Variants in ATP5MK observed in about 807,000 individuals in gnomAD.
The protein encoded by ATP5MK is ATP synthase F(0) complex subunit k, mitochondrial.
In ATP5MK, 5 loss-of-function variants were observed where a neutral mutation model predicts 6.6. The observed-to-expected ratio is 0.76, with a 90% confidence interval of 0.40 to 1.60. The LOEUF (loss-of-function observed/expected upper bound fraction) is 1.60. ATP5MK is among the 40% of genes most tolerant of loss of function. The pLI is 0.02. For missense variants in ATP5MK, 57 were observed against 66.6 expected (o/e 0.86, Z 0.50); for synonymous variants, 30 against 24.5 (o/e 1.22, Z -0.66).
At chr10:103,389,267 G>C (rs189198687) in intron 4 of ATP5MK, 101 bp from the exon 5 acceptor site, 1 of 151,732 alleles carries the variant, frequency 6.6e-6, no homozygotes, top group Non-Finnish European at 1.5e-5. Context: ...AACTGAATGC[G>C]AATTTATTAG....
At chr10:103,393,579 CAA>C (rs959240621) in intron 2 of ATP5MK, among the ~76,000 whole-genome samples, 7 of 111,968 alleles carry the variant, frequency 6.3e-5, no homozygotes, top group African/African-American at 6.5e-5. Context: ...GACGCCGTCT[CAA>C]AAAAAAAAAA....
chr10:103,389,449 A>G (rs962710021), intron 4 of ATP5MK, among the ~76,000 whole-genome samples: 22 of 152,052 alleles, frequency 1.4e-4, no homozygotes, highest in African/African-American at 5.3e-4. Context: ...CAGCCTCCCA[A>G]GTAGCTGGGA....
chr10:103,395,578 G>A (rs932891118), intron 2 of ATP5MK, among the ~76,000 whole-genome samples, 168 bp downstream of exon 2: 1 of 152,190 alleles, frequency 6.6e-6, no homozygotes, highest in Non-Finnish European at 1.5e-5. Context: ...GATTACAGGC[G>A]TGAGCCACCG....
At chr10:103,393,512 G>A (rs931792616) in intron 2 of ATP5MK, among the ~76,000 whole-genome samples, 3 of 151,640 alleles carry the variant, frequency 2.0e-5, no homozygotes, top group Non-Finnish European at 2.9e-5. Context: ...CCTGGGAGGC[G>A]GAGCTTGCAG....
At chr10:103,394,833 C>T (rs990857381) in intron 2 of ATP5MK, among the ~76,000 whole-genome samples, 1 of 142,466 alleles carries the variant, frequency 7.0e-6, no homozygotes. Context: ...TTAGGAGAAA[C>T]GCTACAGAAA....
At chr10:103,395,401 G>A (rs1346242988) in intron 2 of ATP5MK, among the ~76,000 whole-genome samples, 1 of 152,178 alleles carries the variant, frequency 6.6e-6, no homozygotes. Context: ...GGGGTCAAGC[G>A]GTTCTCCTGC....
intron 2 of ATP5MK, among the ~76,000 whole-genome samples, chr10:103,394,554 G>A (rs2093424433): frequency 6.6e-6 from 1 of 152,136 alleles, no homozygotes; most frequent in Non-Finnish European, 1.5e-5. Flanking sequence ...AAGGTTCTTG[G>A]AGCAATGAAG....
rs1377665240 is a variant in ATP5MK, at chr10:103,391,446, TG to T, written c.*3+744del. 3.9e-5 allele frequency among the ~76,000 whole-genome samples: 6 copies of T among 152,296 alleles called. No individual in the cohort carries two copies. The East Asian group carries it at 1.2e-3, about 29-fold the overall frequency. On this transcript the variant is annotated intron_variant, in intron 4 of 4. Transcript: ENST00000369815. ...AAATTACAGACGTGATCATAGTCAC[TG>T]GAAACCAAACAAAATACATGTAACA...
Position 103,392,225 on chromosome 10 carries a change from G to C in ATP5MK, c.146C>G (p.Ser49Cys), listed in dbSNP as rs779624142. ...ALIVLYFKLR[S>C]KKTPAVKAT ...TGCTTTCACAGCTGGAGTTTTTTTGGACCTTAACTTGAAATATAAGACAAT... is the reference window on the plus strand; with the variant it reads ...TGCTTTCACAGCTGGAGTTTTTTTGCACCTTAACTTGAAATATAAGACAAT... The change falls in exon 4 of 5, where the codon TCC (serine) becomes TGC (cysteine). Residue 49 changes from serine to cysteine, a missense_variant. Transcript: ENST00000369815. 8.7e-6 allele frequency: 14 copies of C among 1,612,648 alleles called. 1 individual carries two copies. In the South Asian group the frequency reaches 1.4e-4, roughly 16 times the overall value.
At chr10:103,391,337 G>A (rs1009580453) in intron 4 of ATP5MK, among the ~76,000 whole-genome samples, 2 of 152,130 alleles carry the variant, frequency 1.3e-5, no homozygotes, top group Non-Finnish European at 2.9e-5. Flanking sequence ...TAATTCTAAT[G>A]GGAACGAGAG....
At chr10:103,389,479 C>T (rs1285575799) in intron 4 of ATP5MK, among the ~76,000 whole-genome samples, 1 of 152,002 alleles carries the variant, frequency 6.6e-6, no homozygotes, top group Non-Finnish European at 1.5e-5. Context: ...TGTGCCACCA[C>T]ACCCGGCTAA....
At chr10:103,392,882 T>C (rs2093418726) in intron 2 of ATP5MK, among the ~76,000 whole-genome samples, 1 of 152,160 alleles carries the variant, frequency 6.6e-6, no homozygotes, top group Non-Finnish European at 1.5e-5. Flanking sequence ...AACAGCTCAA[T>C]TACAACCCCT....
intron 2 of ATP5MK, among the ~76,000 whole-genome samples, chr10:103,393,591 A>T (rs1003134024): frequency 4.6e-5 from 7 of 151,234 alleles, no homozygotes; most frequent in African/African-American, 1.7e-4. Context: ...AAAAAAAAAA[A>T]AATAAATAAA....
Position 103,392,288 on chromosome 10 carries a change from GA to G in ATP5MK, c.88-6del, listed in dbSNP as rs372630181. 3.4e-4 allele frequency: 551 copies of G among 1,603,252 alleles called. 4 individuals are homozygous for G. In the African/African-American group the frequency reaches 4.7e-3, roughly 14 times the overall value. ...TCCATATGTGGCCAGTACACACTGA[GA>G]AAGAAAGAAAAAAGTAAACAAGACT... On this transcript the variant is annotated splice_region_variant and splice_polypyrimidine_tract_variant and intron_variant, in intron 3 of 4. Transcript: ENST00000369815.
chr10:103,392,280 C>T lies in ATP5MK; in HGVS notation c.91G>A (p.Val31Ile). Residue 31 changes from valine to isoleucine, a missense_variant, in exon 4 of 5, where the codon GTA becomes ATA. Transcript: ENST00000369815. The stretch of plus-strand genomic sequence containing the variant: ...GCAATGCTTCCATATGTGGCCAGTA[C>T]ACACTGAGAAAGAAAGAAAAAAGTA... ...SYTLTGRMNC[V>I]LATYGSIALI... 6.2e-7 allele frequency: 1 copy of T among 1,607,812 alleles called. No homozygotes were observed. Among genetic ancestry groups the T allele is most frequent in the Non-Finnish European group, 8.5e-7 (1 of 1,178,504 alleles).
rs774206375 is a variant in ATP5MK at position 103,392,266 on chromosome 10, A to G, written c.105T>C (p.Tyr35=). ...ATAAGACAATCAATGCAATGCTTCC[A>G]TATGTGGCCAGTACACACTGAGAAA... ...TGRMNCVLAT[Y]GSIALIVLYF... is the part of the protein sequence containing the mutation. Residue 35 remains tyrosine (Y), a synonymous_variant, in exon 4 of 5, where the codon TAT becomes TAC. Transcript: ENST00000369815. 5.6e-6 allele frequency: 9 copies of G among 1,613,448 alleles called. No homozygotes were observed. The highest frequency in any genetic ancestry group is 1.1e-5 in the South Asian group (1 of 90,804).
At chr10:103,394,327 T>C (rs572457500) in intron 2 of ATP5MK, 26 of 534,132 alleles carry the variant, frequency 4.9e-5, no homozygotes, top group Admixed American at 3.3e-4. Flanking sequence ...CCGAGTCGAT[T>C]GGCAACACAG....
chr10:103,390,927 A>C (rs1052971862), intron 4 of ATP5MK, among the ~76,000 whole-genome samples: 1 of 152,230 alleles, frequency 6.6e-6, no homozygotes, highest in African/African-American at 2.4e-5. Context: ...TAAGAAAATA[A>C]AACCTATGGG....
intron 4 of ATP5MK, among the ~76,000 whole-genome samples, chr10:103,390,660 G>A (rs2093411731): frequency 6.6e-6 from 1 of 151,674 alleles, no homozygotes; most frequent in South Asian, 2.1e-4. Context: ...GCGTGGTGGT[G>A]TGCACATGTA....
Sources: allele counts gnomAD v4.1 joint callset (sites outside exome capture counted in the v4.1 genomes callset), GRCh38; gene constraint gnomAD v4.1.1; transcripts MANE v1.5; gene names NCBI Gene and HGNC (gene_info 2026-07-23, HGNC 2026-07-21).